The following RD3 variants were observed in gnomAD, a reference collection of about 807,000 sequenced individuals.
The protein encoded by RD3 is RD3 regulator of GUCY2D.
Under a neutral mutation model 16.9 loss-of-function variants are expected in RD3, and 11 were observed. The observed-to-expected ratio is 0.65, with a 90% CI of 0.41 to 1.08. The LOEUF (loss-of-function observed/expected upper bound fraction) is 1.08, where lower values mean the gene tolerates loss of function less well. Among genes scored for constraint, RD3 ranks in the 50% least tolerant of loss-of-function variants. RD3 has a pLI of 0.00. For synonymous variants in RD3, 116 were observed against 114.8 expected (o/e 1.01, Z -0.07); for missense variants, 274 against 267.4 (o/e 1.02, Z -0.17).
chr1:211,486,024 C>T (rs1257595457), intron 1 of RD3, among the ~76,000 whole-genome samples: 1 of 151,284 alleles, frequency 6.6e-6, no homozygotes, highest in Admixed American at 6.6e-5. Flanking sequence ...GCCTGTAGTT[C>T]CAACTACTCA....
In RD3 at chr1:211,479,090, C is replaced by T; in HGVS notation, c.534G>A (p.Pro178=). The T allele has an allele frequency of 6.2e-7, 1 of 1,610,500 alleles. No homozygotes were observed. Among genetic ancestry groups the T allele is most frequent in the Non-Finnish European group, 8.5e-7 (1 of 1,179,206 alleles). ...TISEDVERDT[P]PPLRSWSMPE... is the part of the protein sequence containing the mutation. ...GCATGCTCCAGGACCGCAGTGGCGG[C>T]GGTGTGTCCCGCTCCACGTCCTCGG... Residue 178 remains proline, a synonymous_variant, in exon 3 of 3, where the codon CCG becomes CCA. Transcript: ENST00000680073.
At chr1:211,489,013 G>C in intron 1 of RD3, among the ~76,000 whole-genome samples, 1 of 152,174 alleles carries the variant, frequency 6.6e-6, no homozygotes, top group East Asian at 1.9e-4. Flanking sequence ...CCTGAATTCA[G>C]TTCCTACGCC....
Position 211,479,207 on chromosome 1 carries a change from C to G in RD3, c.417G>C (p.Thr139=). ...CGCGGGGCCGCAGGCTCCACTGGCG[C>G]GTCAGCTTGTGGGCCTCCTCTTCCT... The part of the protein sequence containing the change: ...MKQEEEAHKL[T]RQWSLRPRGS... Residue 139 remains threonine, a synonymous_variant, in exon 3 of 3, where the codon ACG becomes ACC. Coordinates refer to ENST00000680073, the MANE Select transcript of RD3 (RefSeq NM_001164688.2). 6.2e-7 allele frequency: 1 copy of G among 1,611,438 alleles called. No homozygotes were observed. Among genetic ancestry groups the G allele is most frequent in the Non-Finnish European group, 8.5e-7 (1 of 1,179,096 alleles).
At chr1:211,484,446 C>G (rs927832364) in intron 1 of RD3, among the ~76,000 whole-genome samples, 1 of 152,040 alleles carries the variant, frequency 6.6e-6, no homozygotes, top group African/African-American at 2.4e-5. Flanking sequence ...TGAATTTGAG[C>G]TGAAAGAAGA....
chr1:211,487,751 G>T (rs1035307402), intron 1 of RD3, among the ~76,000 whole-genome samples: 8 of 152,352 alleles, frequency 5.3e-5, no homozygotes, highest in African/African-American at 1.9e-4. Flanking sequence ...GCCTTGCACA[G>T]TGGCGTGTGC....
Position 211,478,998 on chromosome 1 carries a change from G to A in RD3, c.*38C>T, listed in dbSNP as rs776915905. On this transcript the variant is annotated 3_prime_UTR_variant, in exon 3 of 3. Transcript: ENST00000680073. ...CGGTCACCGGCCTATCATTCCCCCT[G>A]CAGAAGGCTCCGCTTCTGGGCAGGG... 23 of 1,552,328 alleles carry A rather than the reference G, an allele frequency of 1.5e-5. No homozygotes were observed. The highest frequency in any genetic ancestry group is 1.9e-5 in the Non-Finnish European group (22 of 1,152,490).
At chr1:211,489,276 C>A (rs908992282) in intron 1 of RD3, among the ~76,000 whole-genome samples, 1 of 152,134 alleles carries the variant, frequency 6.6e-6, no homozygotes, top group Non-Finnish European at 1.5e-5. Context: ...GATTTATGAA[C>A]TTGGGTGGGG....
chr1:211,491,428 G>A (rs532738253), intron 1 of RD3, among the ~76,000 whole-genome samples: 1 of 152,342 alleles, frequency 6.6e-6, no homozygotes, highest in South Asian at 2.1e-4. Context: ...AGGCAGAAAG[G>A]AACCTGCTGG....
intron 1 of RD3, among the ~76,000 whole-genome samples, chr1:211,487,667 AC>A (rs1364679098): frequency 6.6e-6 from 1 of 151,974 alleles, no homozygotes; most frequent in African/African-American, 2.4e-5. Context: ...GTTCCTCGGG[AC>A]CCCTGCCTGC....
In RD3 at chr1:211,478,924, T is replaced by C. The variant is rs1309430330; in HGVS notation, c.*112A>G. 18 of 991,864 alleles carry C rather than the reference T, an allele frequency of 1.8e-5. No individual in the cohort carries two copies. Among genetic ancestry groups the C allele is most frequent in the Non-Finnish European group, 1.9e-5 (13 of 697,956 alleles). The allele number at this position is 991,864 out of a possible 1,614,324, so 61.4% of individuals were successfully genotyped here. Reference sequence around the variant, plus strand: ...AGCGTCTTGGGATGGGGCCGCCTCTTGGGTCTCCTCGTCAGGCCTAGGTGG... The same window carrying C: ...AGCGTCTTGGGATGGGGCCGCCTCTCGGGTCTCCTCGTCAGGCCTAGGTGG... On this transcript the variant is annotated 3_prime_UTR_variant, in exon 3 of 3. Coordinates refer to ENST00000680073, the MANE Select transcript of RD3 (RefSeq NM_001164688.2).
rs893263220 is a variant in RD3, at chr1:211,476,590, C to T, written c.*2446G>A. On this transcript the variant is annotated 3_prime_UTR_variant, in exon 3 of 3. Coordinates refer to ENST00000680073, the MANE Select transcript of RD3 (RefSeq NM_001164688.2). ...AGTAATGGAAGCAGACCTCATTAGT[C>T]CCTTTAACAACCTGAATCCAGAGGA... 2 of 152,274 alleles carry T rather than the reference C, an allele frequency of 1.3e-5. No individual in the cohort carries two copies. Among genetic ancestry groups the T allele is most frequent in the South Asian group, 2.1e-4 (1 of 4,822 alleles). The allele number at this position is 152,274 out of a possible 1,614,324, so 9.4% of individuals were successfully genotyped here. A position where few individuals can be genotyped will look rare whatever the true frequency, so the allele number is the denominator to read the frequency against.
intron 1 of RD3, 58 bp from the exon 2 acceptor site, chr1:211,481,484 G>T: frequency 1.3e-6 from 2 of 1,522,344 alleles, no homozygotes; most frequent in Non-Finnish European, 1.8e-6. Flanking sequence ...TCAGAGTGGG[G>T]AACCTGGGAA....
chr1:211,479,043 G>T lies in RD3; in HGVS notation c.581C>A (p.Ala194Asp). 6.3e-7 allele frequency: 1 copy of T among 1,598,724 alleles called. No individual in the cohort carries two copies. The highest frequency in any genetic ancestry group is 8.5e-7 in the Non-Finnish European group (1 of 1,174,468). ...WSMPEFRAPK[A>D]D ...GCAGGGAAGCGGCCGGGGTCAGTCG[G>T]CTTTGGGCGCCCGGAATTCGGGCAT... is the stretch of plus-strand genomic sequence containing the variant. The change falls in exon 3 of 3, where the codon GCC becomes GAC. Residue 194 changes from alanine (A) to aspartate (D), a missense_variant. Transcript: ENST00000680073.
chr1:211,481,781 A>G (rs1327383058), intron 1 of RD3, among the ~76,000 whole-genome samples: 1 of 152,176 alleles, frequency 6.6e-6, no homozygotes, highest in Admixed American at 6.5e-5. Flanking sequence ...CTGGAAACAC[A>G]TGGACTATGG....
intron 1 of RD3, among the ~76,000 whole-genome samples, chr1:211,486,001 C>T (rs917664042): frequency 1.3e-5 from 2 of 149,318 alleles, no homozygotes; most frequent in East Asian, 2.0e-4. Flanking sequence ...ATTAGCTGGG[C>T]GTTGTGGCAT....
At chr1:211,484,990 GC>G (rs1202698169) in intron 1 of RD3, among the ~76,000 whole-genome samples, 1 of 152,236 alleles carries the variant, frequency 6.6e-6, no homozygotes, top group Non-Finnish European at 1.5e-5. Context: ...CAGTCCCTAA[GC>G]CTGACCTCGA....
chr1:211,481,266 C>G lies in RD3; in HGVS notation c.150G>C (p.Ala50=). The G allele has an allele frequency of 6.2e-7, 1 of 1,614,230 alleles. No homozygotes were observed. Among genetic ancestry groups the G allele is most frequent in the South Asian group, 1.1e-5 (1 of 91,082 alleles). The change falls in exon 2 of 3, where the codon GCG becomes GCC. Residue 50 remains alanine (A), a synonymous_variant. Coordinates refer to ENST00000680073, the MANE Select transcript of RD3 (RefSeq NM_001164688.2). ...AERQQRERSN[A]VRKVCTGVDY... ...CCACACCGGTGCAGACCTTTCTGAC[C>G]GCATTGCTGCGCTCCCGCTGCTGCC...
In RD3 at chr1:211,478,493, G is replaced by A. The variant is rs1210140373; in HGVS notation, c.*543C>T. 3.6e-6 allele frequency: 1 copy of A among 274,908 alleles called. No homozygotes were observed. The highest frequency in any genetic ancestry group is 6.7e-6 in the Non-Finnish European group (1 of 148,868). 17.0% of individuals were successfully genotyped at this position (274,908 alleles called of 1,614,324 possible). ...GTTCCACATTTACTAGCTGAAGAGA[G>A]TGGATCTAAATGTCTCTCTGGTCCC... On this transcript the variant is annotated 3_prime_UTR_variant, in exon 3 of 3. Transcript: ENST00000680073.
At chr1:211,486,072 G>C (rs1390243500) in intron 1 of RD3, among the ~76,000 whole-genome samples, 1 of 151,720 alleles carries the variant, frequency 6.6e-6, no homozygotes, top group Non-Finnish European at 1.5e-5. Context: ...GCTAACTTGA[G>C]CCTGGGAGGT....
Sources: allele counts gnomAD v4.1 joint callset (sites outside exome capture counted in the v4.1 genomes callset), GRCh38; gene constraint gnomAD v4.1.1; transcripts MANE v1.5; gene names NCBI Gene and HGNC (gene_info 2026-07-23, HGNC 2026-07-21).